The following PRRT2 variants were observed in gnomAD, a reference collection of about 807,000 sequenced individuals.
PRRT2 encodes the protein proline-rich transmembrane protein 2.
A neutral mutation model predicts 24.7 loss-of-function variants in PRRT2; 9 were observed. The ratio of observed to expected loss-of-function variants is 0.36; its 90% CI spans 0.22 to 0.64. PRRT2 has a LOEUF of 0.64. Among genes scored for constraint, PRRT2 ranks in the 30% least tolerant of loss-of-function variants. The pLI is 0.65. For missense variants in PRRT2, 460 were observed against 435.0 expected (o/e 1.06, Z -0.51); for synonymous variants, 195 against 175.5 (o/e 1.11, Z -0.88).
rs1212428117 is a variant in PRRT2 at position 29,815,795 on chromosome 16, AAAG to A, written c.*1158_*1160del. The A allele has an allele frequency of 7.0e-6, 1 of 142,680 alleles. No homozygotes were observed. Among genetic ancestry groups the A allele is most frequent in the Non-Finnish European group, 1.5e-5 (1 of 64,892 alleles). 8.8% of individuals were successfully genotyped at this position (142,680 alleles called of 1,614,324 possible). The stretch of plus-strand genomic sequence containing the variant: ...ACTAAAATTCTTAAAAAAAAAAAAA[AAAG>A]GCTATTATCAAACTGATTTCTCCCT... On this transcript the variant is annotated 3_prime_UTR_variant, in exon 4 of 4. Coordinates refer to ENST00000358758, the MANE Select transcript of PRRT2 (RefSeq NM_145239.3).
chr16:29,814,928 C>CT lies in PRRT2; in HGVS notation c.*291dup, dbSNP rs1900173220. 1 of 440,492 alleles carries CT rather than the reference C, an allele frequency of 2.3e-6. No homozygotes were observed. The allele number at this position is 440,492 out of a possible 1,614,324, so 27.3% of individuals were successfully genotyped here. A position where few individuals can be genotyped will look rare whatever the true frequency, so the allele number is the denominator to read the frequency against. On this transcript the variant is annotated 3_prime_UTR_variant, in exon 4 of 4. Transcript: ENST00000358758. The surrounding 1 kb of genome is among the most constrained non-coding windows in gnomAD (Gnocchi z 4.1). ...CTGCACTTCTGGAAACCTCCCTGCACTCTGGAAACCTCCCTGAACACCTCC... is the reference window on the plus strand; with the variant it reads ...CTGCACTTCTGGAAACCTCCCTGCACTTCTGGAAACCTCCCTGAACACCTCC...
Position 29,815,834 on chromosome 16 carries a change from C to G in PRRT2, c.*1196C>G, listed in dbSNP as rs374439334. ...AACTGATTTCTCCCTTTTTGTATGC[C>G]GGATGCTGCATGAGTCTGAAACACC... On this transcript the variant is annotated 3_prime_UTR_variant, in exon 4 of 4. Coordinates refer to ENST00000358758, the MANE Select transcript of PRRT2 (RefSeq NM_145239.3). 2.0e-5 allele frequency: 3 copies of G among 149,956 alleles called. No homozygotes were observed. Among genetic ancestry groups the G allele is most frequent in the African/African-American group, 7.4e-5 (3 of 40,664 alleles). The allele number at this position is 149,956 out of a possible 1,614,324, so 9.3% of individuals were successfully genotyped here.
Position 29,813,089 on chromosome 16 carries a change from A to T in PRRT2, c.35A>T (p.Lys12Met). ...AGCAGCTCTGAGATCTCTGAGATGAAGGGGGTTGAGGAGAGTCCCAAGGTT... is the reference window on the plus strand; with the variant it reads ...AGCAGCTCTGAGATCTCTGAGATGATGGGGGTTGAGGAGAGTCCCAAGGTT... The part of the protein sequence containing the change: ...AASSSEISEM[K>M]GVEESPKVPG... The change falls in exon 2 of 4, where the codon AAG becomes ATG. Residue 12 changes from lysine to methionine, a missense_variant. By Grantham distance (95) the Lys-to-Met change is moderately conservative (BLOSUM62 -1). Transcript: ENST00000358758. 6.2e-7 allele frequency: 1 copy of T among 1,610,402 alleles called. No individual in the cohort carries two copies. Among genetic ancestry groups the T allele is most frequent in the Non-Finnish European group, 8.5e-7 (1 of 1,178,622 alleles).
rs11150573 is a variant in PRRT2 at position 29,813,805 on chromosome 16, T to C, written c.751T>C (p.Leu251=). ...GSLSRHPSSQ[L]AGPGVEGGEG... ...CCTGAGCCGCCACCCCAGCTCCCAG[T>C]TGGCAGGTCCTGGGGTGGAGGGGGG... is the stretch of plus-strand genomic sequence containing the variant. Residue 251 remains leucine, a synonymous_variant, in exon 2 of 4, where the codon TTG becomes CTG. Transcript: ENST00000358758. 1,610,383 of 1,612,408 alleles carry C rather than the reference T, an allele frequency of 1. 804,209 individuals are homozygous for C. Among genetic ancestry groups the C allele is most frequent in the Middle Eastern group, 1 (6,050 of 6,050 alleles).
rs932713001 is a variant in PRRT2, at chr16:29,814,375, C to G, written c.922C>G (p.Arg308Gly). Reference protein sequence around the residue: ...LQQGDVDGAQRLGRVAKLLSI... With the variant: ...LQQGDVDGAQGLGRVAKLLSI... ...GCAGGGGGACGTGGACGGGGCCCAGCGTCTGGGCCGGGTAGCCAAGCTCTT... is the reference window on the plus strand; with the variant it reads ...GCAGGGGGACGTGGACGGGGCCCAGGGTCTGGGCCGGGTAGCCAAGCTCTT... Residue 308 changes from arginine (R) to glycine (G), a missense_variant, in exon 3 of 4, where the codon CGT becomes GGT. Coordinates refer to ENST00000358758, the MANE Select transcript of PRRT2 (RefSeq NM_145239.3). This position sits in a 1 kb window ranked among gnomAD's most constrained non-coding sequence, Gnocchi z 4.1. 1.2e-6 allele frequency: 2 copies of G among 1,609,818 alleles called. No homozygotes were observed. The highest frequency in any genetic ancestry group is 1.3e-5 in the African/African-American group (1 of 74,844).
chr16:29,814,432 A>ATCATCATCGCCTCCTGCG lies in PRRT2; in HGVS notation c.986_1003dup (p.Ile329_Ile334dup). ...CGTGGCGCTGGTGGGGGGAGTCCTCATCATCATCGCCTCCTGCGTCATCAA... is the reference window on the plus strand; with the variant it reads ...CGTGGCGCTGGTGGGGGGAGTCCTCATCATCATCGCCTCCTGCGTCATCATCGCCTCCTGCGTCATCAA... On this transcript the variant is annotated inframe_insertion, in exon 3 of 4. Coordinates refer to ENST00000358758, the MANE Select transcript of PRRT2 (RefSeq NM_145239.3). The surrounding 1 kb of genome is among the most constrained non-coding windows in gnomAD (Gnocchi z 4.1). The ATCATCATCGCCTCCTGCG allele has an allele frequency of 6.2e-7, 1 of 1,605,574 alleles. No homozygotes were observed. Among genetic ancestry groups the ATCATCATCGCCTCCTGCG allele is most frequent in the Non-Finnish European group, 8.5e-7 (1 of 1,175,778 alleles).
chr16:29,813,657 C>T lies in PRRT2; in HGVS notation c.603C>T (p.His201=), dbSNP rs543313284. 2 of 1,610,636 alleles carry T rather than the reference C, an allele frequency of 1.2e-6. No individual in the cohort carries two copies. Among genetic ancestry groups the T allele is most frequent in the Non-Finnish European group, 1.7e-6 (2 of 1,178,390 alleles). ...DGEEGPAPEP[H]SPPSKKSPPA... ...AAGAGGGCCCAGCCCCTGAGCCTCA[C>T]TCACCACCCTCAAAAAAATCCCCCC... The change falls in exon 2 of 4, where the codon CAC becomes CAT. Residue 201 remains histidine, a synonymous_variant. Coordinates refer to ENST00000358758, the MANE Select transcript of PRRT2 (RefSeq NM_145239.3).
Position 29,814,257 on chromosome 16 carries a change from C to T in PRRT2, c.880-76C>T. 3 of 1,508,786 alleles carry T rather than the reference C, an allele frequency of 2.0e-6. No homozygotes were observed. The highest frequency in any genetic ancestry group is 2.6e-6 in the Non-Finnish European group (3 of 1,138,238). The allele number at this position is 1,508,786 out of a possible 1,614,324, so 93.5% of individuals were successfully genotyped here. A position where few individuals can be genotyped will look rare whatever the true frequency, so the allele number is the denominator to read the frequency against. ...GCTGGCCTCTCTCTCTTCTGGATGA[C>T]TTTTCCACCTGATCCCTTCTGGGCT... On this transcript the variant is annotated intron_variant, in intron 2 of 3. Coordinates refer to ENST00000358758, the MANE Select transcript of PRRT2 (RefSeq NM_145239.3). The surrounding 1 kb of genome is among the most constrained non-coding windows in gnomAD (Gnocchi z 4.1).
rs1900081788 is a variant in PRRT2, at chr16:29,813,456, A to T, written c.402A>T (p.Pro134=). The T allele has an allele frequency of 1.2e-6, 2 of 1,613,850 alleles. No individual in the cohort carries two copies. The highest frequency in any genetic ancestry group is 4.5e-5 in the East Asian group (2 of 44,882). ...TGGAGTCTGCAGCCCCACCTGAACCAGCCCCAGAGCCTGCTCCCCAACCAG... is the reference window on the plus strand; with the variant it reads ...TGGAGTCTGCAGCCCCACCTGAACCTGCCCCAGAGCCTGCTCCCCAACCAG... ...SRLESAAPPE[P]APEPAPQPDP... is the part of the protein sequence containing the mutation. Residue 134 remains proline (P), a synonymous_variant, in exon 2 of 4, where the codon CCA becomes CCT. Coordinates refer to ENST00000358758, the MANE Select transcript of PRRT2 (RefSeq NM_145239.3).
At position 29,814,628 on chromosome 16, in the gene PRRT2, T is replaced by A. The variant is rs144540943; in HGVS notation, c.1013T>A (p.Val338Glu). Residue 338 changes from valine (V) to glutamate (E), a missense_variant and splice_region_variant, in exon 4 of 4, where the codon GTG becomes GAG. Around this residue, in one of 3 missense-constraint regions of PRRT2, gnomAD observed 64 missense variants for 71.2 expected, o/e 0.90. Coordinates refer to ENST00000358758, the MANE Select transcript of PRRT2 (RefSeq NM_145239.3). The surrounding 1 kb of genome is among the most constrained non-coding windows in gnomAD (Gnocchi z 4.1). ...IIASCVINLG[V>E]YK ...TGTCCTTCCCTCTCCTCTCCCACAG[T>A]GTATAAGTGAGGGGCTCTGCCCCGC... is the stretch of plus-strand genomic sequence containing the variant. The A allele has an allele frequency of 1.3e-6, 2 of 1,594,686 alleles. No individual in the cohort carries two copies. The highest frequency in any genetic ancestry group is 1.7e-6 in the Non-Finnish European group (2 of 1,168,834).
Position 29,813,222 on chromosome 16 carries a change from G to C in PRRT2, c.168G>C (p.Ala56=). Residue 56 remains alanine (A), a synonymous_variant, in exon 2 of 4, where the codon GCG becomes GCC. Transcript: ENST00000358758. ...EAPQPGPNTT[A]APVDSGPKAG... is the part of the protein sequence containing the mutation. ...CGCAGCCAGGTCCAAACACCACTGC[G>C]GCCCCTGTGGACTCAGGGCCCAAGG... is the stretch of plus-strand genomic sequence containing the variant. The C allele has an allele frequency of 4.3e-6, 7 of 1,613,918 alleles. No homozygotes were observed. The highest frequency in any genetic ancestry group is 5.1e-6 in the Non-Finnish European group (6 of 1,179,986).
At chr16:29,812,773 G>A (rs1438574007) in intron 1 of PRRT2, among the ~76,000 whole-genome samples, 2 of 151,724 alleles carry the variant, frequency 1.3e-5, no homozygotes, top group African/African-American at 2.4e-5. Flanking sequence ...TTTACAAAAG[G>A]GTTAATCTTC....
At position 29,813,827 on chromosome 16, in the gene PRRT2, G is replaced by T. The variant is rs560303559; in HGVS notation, c.773G>T (p.Gly258Val). The T allele has an allele frequency of 3.1e-6, 5 of 1,613,596 alleles. No individual in the cohort carries two copies. The South Asian group carries it at 5.5e-5, about 18-fold the overall frequency. The stretch of plus-strand genomic sequence containing the variant: ...CAGTTGGCAGGTCCTGGGGTGGAGG[G>T]GGGTGAAGGCACCCAGAAACCTCGG... ...SSQLAGPGVE[G>V]GEGTQKPRDY... Residue 258 changes from glycine (G) to valine (V), a missense_variant, in exon 2 of 4, where the codon GGG becomes GTG. Transcript: ENST00000358758.
rs1900011878 is a variant in PRRT2, at chr16:29,812,235, C to T, written c.-154C>T. ...GAAGAGGGAGACCCGCCGCCTCCCTCCCTCCCTAGCTGACTTGCTCCCTCC... is the reference window on the plus strand; with the variant it reads ...GAAGAGGGAGACCCGCCGCCTCCCTTCCTCCCTAGCTGACTTGCTCCCTCC... On this transcript the variant is annotated 5_prime_UTR_variant, in exon 1 of 4. Transcript: ENST00000358758. 1 of 163,422 alleles carries T rather than the reference C, an allele frequency of 6.1e-6. No homozygotes were observed. The highest frequency in any genetic ancestry group is 1.3e-5 in the Non-Finnish European group (1 of 74,436). 10.1% of individuals were successfully genotyped at this position (163,422 alleles called of 1,614,324 possible).
chr16:29,812,749 T>C (rs1175700588), intron 1 of PRRT2, among the ~76,000 whole-genome samples: 3 of 151,872 alleles, frequency 2.0e-5, no homozygotes, highest in Middle Eastern at 3.4e-3. Flanking sequence ...GGAGAGACCC[T>C]GGAGAAGGTC....
Position 29,813,601 on chromosome 16 carries a change from G to A in PRRT2, c.547G>A (p.Ala183Thr). The A allele has an allele frequency of 6.2e-7, 1 of 1,613,472 alleles. No homozygotes were observed. The highest frequency in any genetic ancestry group is 8.5e-7 in the Non-Finnish European group (1 of 1,179,720). Residue 183 changes from alanine (A) to threonine (T), a missense_variant, in exon 2 of 4, where the codon GCA (alanine) becomes ACA (threonine). By Grantham distance (58) the Ala-to-Thr change is moderately conservative. Transcript: ENST00000358758. ...ESVGEKQENGAVVPLQAGDGE... is the reference protein window; with the variant it reads ...ESVGEKQENGTVVPLQAGDGE... ...TGTAGGGGAAAAGCAAGAGAATGGGGCAGTGGTGCCCCTGCAGGCTGGTGA... is the reference window on the plus strand; with the variant it reads ...TGTAGGGGAAAAGCAAGAGAATGGGACAGTGGTGCCCCTGCAGGCTGGTGA...
chr16:29,812,892 G>A (rs1900048205), intron 1 of PRRT2, 98 bp from the exon 2 acceptor site: 1 of 734,262 alleles, frequency 1.4e-6, no homozygotes, highest in East Asian at 2.6e-5. Context: ...TAGAGGCAGT[G>A]CAAGGCTGGC....
In PRRT2 at chr16:29,814,418, TG is replaced by T. The variant is rs796052941; in HGVS notation, c.971del (p.Gly324GlufsTer13). The stretch of plus-strand genomic sequence containing the variant: ...AAGCTCTTAAGCATCGTGGCGCTGG[TG>T]GGGGGAGTCCTCATCATCATCGCCT... ...VAKLLSIVAL[V>X]GGVLIIIASC... On this transcript the variant is annotated frameshift_variant, in exon 3 of 4. Transcript: ENST00000358758. LOFTEE classifies it high-confidence loss of function. This position sits in a 1 kb window ranked among gnomAD's most constrained non-coding sequence, Gnocchi z 4.1. 3 of 1,608,246 alleles carry T rather than the reference TG, an allele frequency of 1.9e-6. No individual in the cohort carries two copies. Among genetic ancestry groups the T allele is most frequent in the African/African-American group, 2.7e-5 (2 of 74,776 alleles).
Position 29,814,757 on chromosome 16 carries a change from C to A in PRRT2, c.*119C>A. On this transcript the variant is annotated 3_prime_UTR_variant, in exon 4 of 4. Transcript: ENST00000358758. This position sits in a 1 kb window ranked among gnomAD's most constrained non-coding sequence, Gnocchi z 4.1. Reference sequence around the variant, plus strand: ...CCCCCACCCCTAAGGACCAAGGGAGCCTGAGCGGCCTTGTTTACAGCTTCT... The same window carrying A: ...CCCCCACCCCTAAGGACCAAGGGAGACTGAGCGGCCTTGTTTACAGCTTCT... 9.0e-7 allele frequency: 1 copy of A among 1,110,690 alleles called. No homozygotes were observed. Among genetic ancestry groups the A allele is most frequent in the African/African-American group, 1.6e-5 (1 of 63,538 alleles). 68.8% of individuals were successfully genotyped at this position (1,110,690 alleles called of 1,614,324 possible).
Sources: allele counts gnomAD v4.1 joint callset (sites outside exome capture counted in the v4.1 genomes callset), GRCh38; gene constraint gnomAD v4.1.1; regional missense constraint gnomAD v4.1.1; non-coding constraint Gnocchi (gnomAD v3.1); transcripts MANE v1.5; gene names NCBI Gene and HGNC (gene_info 2026-07-23, HGNC 2026-07-21).